The following MAN1A2 variants were observed in gnomAD, a reference collection of about 807,000 sequenced individuals.
MAN1A2 encodes mannosyl-oligosaccharide 1,2-alpha-mannosidase IB.
Under a neutral mutation model 75.7 loss-of-function variants are expected in MAN1A2, and 26 were observed. That is an observed-to-expected ratio of 0.34 (90% confidence interval 0.25 to 0.48). The LOEUF (loss-of-function observed/expected upper bound fraction) is 0.48. Among genes scored for constraint, MAN1A2 ranks in the 20% least tolerant of loss-of-function variants. The pLI is 0.99. For missense variants in MAN1A2, 562 were observed against 775.5 expected (o/e 0.72, Z 3.27); for synonymous variants, 247 against 264.6 (o/e 0.93, Z 0.65).
intron 12 of MAN1A2, among the ~76,000 whole-genome samples, chr1:117,513,788 C>T (rs1651621733): frequency 6.6e-6 from 1 of 152,008 alleles, no homozygotes; most frequent in Non-Finnish European, 1.5e-5. Flanking sequence ...CAGTTTATTG[C>T]CCTAAGTTTG....
intron 3 of MAN1A2, among the ~76,000 whole-genome samples, chr1:117,407,236 T>C (rs1341002378): frequency 6.6e-6 from 1 of 152,162 alleles, no homozygotes; most frequent in Non-Finnish European, 1.5e-5. Flanking sequence ...TCCATTATTA[T>C]GTTTTGTCTT....
chr1:117,408,363 A>G (rs1207555464), intron 3 of MAN1A2, among the ~76,000 whole-genome samples: 1 of 151,894 alleles, frequency 6.6e-6, no homozygotes, highest in Non-Finnish European at 1.5e-5. Context: ...TGGAAAGTAG[A>G]AAGTTTTGTT....
chr1:117,393,510 A>G (rs527730730), intron 1 of MAN1A2, among the ~76,000 whole-genome samples: 1 of 150,936 alleles, frequency 6.6e-6, no homozygotes, highest in East Asian at 1.9e-4. Context: ...GTTTTCCTGG[A>G]TTCTCTGAAA....
At chr1:117,456,198 C>A (rs530627142) in intron 6 of MAN1A2, among the ~76,000 whole-genome samples, 1 of 151,974 alleles carries the variant, frequency 6.6e-6, no homozygotes, top group African/African-American at 2.4e-5. Context: ...ACAGGTTGAA[C>A]GTTCAAGAGT....
intron 6 of MAN1A2, among the ~76,000 whole-genome samples, chr1:117,445,144 A>G (rs186050768): frequency 6.6e-6 from 1 of 152,082 alleles, no homozygotes; most frequent in Admixed American, 6.5e-5. Context: ...TTTCACCTTT[A>G]TTCTTTTAAT....
chr1:117,435,102 T>A (rs12093932), intron 5 of MAN1A2, among the ~76,000 whole-genome samples: 63,707 of 151,710 alleles, frequency 0.42, 13,662 homozygotes, highest in South Asian at 0.55. Context: ...AGGATTTTTT[T>A]ATATTTAAGC....
intron 3 of MAN1A2, among the ~76,000 whole-genome samples, chr1:117,413,943 G>A (rs574474729): frequency 1.3e-5 from 2 of 151,852 alleles, no homozygotes; most frequent in Admixed American, 1.3e-4. Flanking sequence ...AGTAAGATTG[G>A]CCTGTTTTCT....
At chr1:117,377,198 T>C (rs890722843) in intron 1 of MAN1A2, among the ~76,000 whole-genome samples, 32 of 152,208 alleles carry the variant, frequency 2.1e-4, no homozygotes, top group African/African-American at 7.7e-4. Context: ...TTTGTATGTG[T>C]TTGGTGTGTA....
intron 12 of MAN1A2, among the ~76,000 whole-genome samples, chr1:117,519,221 T>A (rs1189896373): frequency 6.6e-6 from 1 of 152,044 alleles, no homozygotes; most frequent in Non-Finnish European, 1.5e-5. Flanking sequence ...CCTAAATGCC[T>A]ACGTCAGAAA....
rs1422679345 is a variant in MAN1A2, at chr1:117,470,185, A to G, written c.1168+3758A>G. Among the ~76,000 whole-genome samples the G allele has an allele frequency of 2.0e-5, 3 of 152,296 alleles. No individual in the cohort carries two copies. The East Asian group carries it at 5.8e-4, about 29-fold the overall frequency. ...TATAATATAAACAAACCTTGAAAAC[A>G]TTATGCTAATCAACAAAAGCCAGTC... On this transcript the variant is annotated intron_variant, in intron 8 of 12. Coordinates refer to ENST00000356554, the MANE Select transcript of MAN1A2 (RefSeq NM_006699.5).
intron 6 of MAN1A2, among the ~76,000 whole-genome samples, chr1:117,459,685 C>G (rs1649752634): frequency 6.6e-6 from 1 of 151,926 alleles, no homozygotes; most frequent in African/African-American, 2.4e-5. Flanking sequence ...AAATAAAACG[C>G]AAGAGCATAT....
intron 11 of MAN1A2, among the ~76,000 whole-genome samples, chr1:117,501,515 A>C (rs1327810321): frequency 2.6e-5 from 4 of 151,756 alleles, no homozygotes; most frequent in Admixed American, 6.6e-5. Context: ...ACTTGCCCTC[A>C]TGACTTTAAA....
intron 8 of MAN1A2, among the ~76,000 whole-genome samples, chr1:117,488,486 A>G (rs970729675): frequency 1.3e-5 from 2 of 152,016 alleles, no homozygotes; most frequent in African/African-American, 4.8e-5. Context: ...GTGAGCCACC[A>G]TACCCGGCTG....
Position 117,452,653 on chromosome 1 carries a change from AAG to A in MAN1A2, c.951-7833_951-7832del, listed in dbSNP as rs1239230216. On this transcript the variant is annotated intron_variant, in intron 6 of 12. Transcript: ENST00000356554. ...GCTAAGAGAGGTGAGGAAGCTGCAG[AAG>A]AGTTTGAGGCTTACAGAGGTTGGTT... 3.9e-5 allele frequency among the ~76,000 whole-genome samples: 6 copies of A among 152,228 alleles called. No individual in the cohort carries two copies. In the East Asian group the frequency reaches 1.2e-3, roughly 29 times the overall value.
intron 7 of MAN1A2, among the ~76,000 whole-genome samples, chr1:117,465,489 C>A (rs12406940): frequency 6.6e-6 from 1 of 151,978 alleles, no homozygotes; most frequent in East Asian, 1.9e-4. Context: ...AAATGAATGA[C>A]GATGGGAAAC....
intron 2 of MAN1A2, among the ~76,000 whole-genome samples, chr1:117,404,442 A>G (rs1647547281): frequency 6.6e-6 from 1 of 152,190 alleles, no homozygotes; most frequent in African/African-American, 2.4e-5. Context: ...TATTGGTTTA[A>G]TGGCTCTAAA....
intron 5 of MAN1A2, among the ~76,000 whole-genome samples, chr1:117,421,313 A>G (rs1422189927): frequency 6.6e-6 from 1 of 152,092 alleles, no homozygotes; most frequent in Non-Finnish European, 1.5e-5. Flanking sequence ...GACAATTTGT[A>G]AGAGCTCTTT....
rs998468557 is a variant in MAN1A2, at chr1:117,382,614, A to G, written c.302+14129A>G. ...GTAGTATAGTTTGAAGTCAGGTAGC[A>G]TGATGCCGCCAGCTTTGTTCTTTTG... On this transcript the variant is annotated intron_variant, in intron 1 of 12. Transcript: ENST00000356554. Among the ~76,000 whole-genome samples the G allele has an allele frequency of 2.0e-4, 31 of 152,148 alleles. No homozygotes were observed. In the South Asian group the frequency reaches 2.1e-3, roughly 10 times the overall value.
intron 1 of MAN1A2, among the ~76,000 whole-genome samples, chr1:117,378,765 G>A (rs1653239229): frequency 1.3e-5 from 2 of 151,966 alleles, no homozygotes; most frequent in South Asian, 4.2e-4. Flanking sequence ...CAATTTGTTT[G>A]TACTTCCCTG....
Sources: gnomAD v4.1 joint callset for allele counts (sites outside exome capture counted in the v4.1 genomes callset) on GRCh38, gnomAD v4.1.1 for gene constraint, MANE v1.5 for transcripts, NCBI Gene and HGNC (gene_info 2026-07-23, HGNC 2026-07-21) for gene names.